GRM8: variants seen among roughly 807,000 people sequenced by gnomAD.
The protein encoded by GRM8 is glutamate metabotropic receptor 8, also known as metabotropic glutamate receptor 8.
In GRM8, 47 loss-of-function variants were observed where a neutral mutation model predicts 87.2. The ratio of observed to expected loss-of-function variants is 0.54; its 90% CI spans 0.43 to 0.69. The LOEUF is 0.69. Ranked by LOEUF, GRM8 falls within the 30% of genes least tolerant of loss-of-function variation. GRM8 has a pLI of 0.00. For synonymous variants in GRM8, 396 were observed against 404.5 expected (o/e 0.98, Z 0.25); for missense variants, 1,019 against 1,139.2 (o/e 0.89, Z 1.52).
At chr7:127,045,806 A>G (rs1039665238) in intron 3 of GRM8, among the ~76,000 whole-genome samples, 3 of 152,158 alleles carry the variant, frequency 2.0e-5, no homozygotes, top group African/African-American at 4.8e-5. Context: ...TTACAAATCA[A>G]TATATAGGCA....
At chr7:126,907,183 GAA>G (rs1802779113) in intron 3 of GRM8, among the ~76,000 whole-genome samples, 3 of 109,150 alleles carry the variant, frequency 2.7e-5, no homozygotes, top group African/African-American at 2.9e-5. Flanking sequence ...GGAGGAAATG[GAA>G]GGAGGAGGAG....
chr7:127,197,951 A>G (rs189152164), intron 2 of GRM8, among the ~76,000 whole-genome samples: 1 of 152,180 alleles, frequency 6.6e-6, no homozygotes, highest in Admixed American at 6.5e-5. Context: ...AATCATGTTC[A>G]TACTCTATGT....
intron 3 of GRM8, among the ~76,000 whole-genome samples, chr7:127,093,981 A>C (rs1824403368): frequency 6.6e-6 from 1 of 152,212 alleles, no homozygotes. Context: ...TATATTATGA[A>C]GCCATTTATT....
intron 3 of GRM8, among the ~76,000 whole-genome samples, chr7:127,035,528 C>A (rs1817768741): frequency 6.6e-6 from 1 of 152,188 alleles, no homozygotes. Context: ...ATTCCACTCT[C>A]CACAAGGCTA....
intron 2 of GRM8, among the ~76,000 whole-genome samples, chr7:127,124,666 G>A (rs961881879): frequency 1.3e-5 from 2 of 151,930 alleles, no homozygotes; most frequent in African/African-American, 4.8e-5. Flanking sequence ...ACTACCAATT[G>A]GATAATGAAC....
At chr7:126,923,322 A>ATGTAAG (rs1804736133) in intron 3 of GRM8, among the ~76,000 whole-genome samples, 2 of 152,170 alleles carry the variant, frequency 1.3e-5, no homozygotes, top group Non-Finnish European at 2.9e-5. Context: ...GGTTTAAAGC[A>ATGTAAG]TCTGCTTTTC....
intron 7 of GRM8, among the ~76,000 whole-genome samples, chr7:126,660,382 A>C (rs1247515258): frequency 6.6e-6 from 1 of 152,212 alleles, no homozygotes; most frequent in East Asian, 1.9e-4. Context: ...GCACATAATA[A>C]ATAATAAATG....
At chr7:126,616,258 C>T (rs1799478670) in intron 7 of GRM8, among the ~76,000 whole-genome samples, 1 of 152,226 alleles carries the variant, frequency 6.6e-6, no homozygotes, top group African/African-American at 2.4e-5. Flanking sequence ...AACTGAACAA[C>T]CTGCTCCTGA....
At position 127,185,083 on chromosome 7, in the gene GRM8, C is replaced by T. The variant is rs1349141436; in HGVS notation, c.510+57612G>A. Among the ~76,000 whole-genome samples the T allele has an allele frequency of 3.3e-5, 5 of 152,016 alleles. No individual in the cohort carries two copies. In the East Asian group the frequency reaches 9.6e-4, roughly 29 times the overall value. On this transcript the variant is annotated intron_variant, in intron 2 of 10. Transcript: ENST00000339582. Reference sequence around the variant, plus strand: ...AATTCAAAGCAATCCAAATCAAAATCCCAGCAAGCTATTTTATAAATTACC... The same window carrying T: ...AATTCAAAGCAATCCAAATCAAAATTCCAGCAAGCTATTTTATAAATTACC...
chr7:126,941,477 G>A (rs959016265), intron 3 of GRM8, among the ~76,000 whole-genome samples: 1 of 150,674 alleles, frequency 6.6e-6, no homozygotes, highest in African/African-American at 2.4e-5. Context: ...AATATTAGCC[G>A]GGAGTGGTGG....
At chr7:126,552,553 A>G (rs1401981237) in intron 8 of GRM8, among the ~76,000 whole-genome samples, 1 of 152,132 alleles carries the variant, frequency 6.6e-6, no homozygotes, top group Non-Finnish European at 1.5e-5. Flanking sequence ...ATTTCTATAT[A>G]CTTTCTCTTC....
At chr7:127,125,849 C>T (rs1461431318) in intron 2 of GRM8, among the ~76,000 whole-genome samples, 2 of 149,560 alleles carry the variant, frequency 1.3e-5, no homozygotes, top group East Asian at 2.0e-4. Flanking sequence ...AGAAGATATA[C>T]AAAGGGCCAA....
chr7:126,691,316 T>C (rs1385763658), intron 7 of GRM8, among the ~76,000 whole-genome samples: 5 of 152,078 alleles, frequency 3.3e-5, no homozygotes, highest in Admixed American at 3.3e-4. Flanking sequence ...TTAACTTTGC[T>C]CTGAAATCAG....
At chr7:127,188,515 A>C (rs2299549) in intron 2 of GRM8, among the ~76,000 whole-genome samples, 102,139 of 151,956 alleles carry the variant, frequency 0.67, 35,321 homozygotes, top group African/African-American at 0.76. Context: ...TGCAAAAGAC[A>C]AACACTCACC....
At chr7:126,888,328 C>T (rs1306749237) in intron 6 of GRM8, among the ~76,000 whole-genome samples, 1 of 152,044 alleles carries the variant, frequency 6.6e-6, no homozygotes, top group Admixed American at 6.6e-5. Context: ...TGCTAATAAG[C>T]CTATTTAGAG....
intron 8 of GRM8, among the ~76,000 whole-genome samples, chr7:126,549,104 A>T (rs1172087770): frequency 6.6e-6 from 1 of 152,156 alleles, no homozygotes; most frequent in African/African-American, 2.4e-5. Context: ...TTCTTCCTCA[A>T]ACCACTGAAG....
chr7:126,556,906 G>A (rs1793207986), intron 8 of GRM8, among the ~76,000 whole-genome samples: 2 of 152,048 alleles, frequency 1.3e-5, no homozygotes, highest in Admixed American at 1.3e-4. Flanking sequence ...GTGTCCATTG[G>A]TGTCTTTAGT....
At chr7:126,996,642 G>A (rs1813204250) in intron 3 of GRM8, among the ~76,000 whole-genome samples, 1 of 151,952 alleles carries the variant, frequency 6.6e-6, no homozygotes, top group East Asian at 1.9e-4. Flanking sequence ...AACAGGAGTA[G>A]CTACAGTTAT....
chr7:126,483,971 T>C (rs1273283528), intron 9 of GRM8, among the ~76,000 whole-genome samples: 1 of 152,010 alleles, frequency 6.6e-6, no homozygotes, highest in East Asian at 1.9e-4. Flanking sequence ...ATAACCAGAC[T>C]TGAGCATCAG....
Sources: allele counts gnomAD v4.1 joint callset (sites outside exome capture counted in the v4.1 genomes callset), GRCh38; gene constraint gnomAD v4.1.1; transcripts MANE v1.5; gene names NCBI Gene and HGNC (gene_info 2026-07-23, HGNC 2026-07-21).